Variants in GRIN2B observed in about 807,000 individuals in gnomAD.
The protein encoded by GRIN2B is glutamate ionotropic receptor NMDA type subunit 2B.
GRIN2B carries 5 observed loss-of-function variants against 114.5 expected under a neutral mutation model. The observed-to-expected ratio is 0.04, with a 90% CI of 0.02 to 0.09. The LOEUF (loss-of-function observed/expected upper bound fraction) is 0.09, where lower values mean the gene tolerates loss of function less well. Among genes scored for constraint, GRIN2B ranks in the 10% least tolerant of loss-of-function variants. GRIN2B has a pLI of 1.00. For missense variants in GRIN2B, 1,108 were observed against 1,943.5 expected (o/e 0.57, Z 8.08); for synonymous variants, 787 against 745.1 (o/e 1.06, Z -0.92).
chr12:13,610,834 A>C (rs1949357733), intron 9 of GRIN2B, among the ~76,000 whole-genome samples: 1 of 152,254 alleles, frequency 6.6e-6, no homozygotes, highest in Non-Finnish European at 1.5e-5. Context: ...TTAGTGAATC[A>C]GAAAATGAGG....
At chr12:13,965,533 T>A (rs1249250143) in intron 2 of GRIN2B, among the ~76,000 whole-genome samples, 1 of 148,164 alleles carries the variant, frequency 6.7e-6, no homozygotes, top group African/African-American at 2.5e-5. Flanking sequence ...GTTCCCTAAC[T>A]CATGCTAGAA....
chr12:13,811,813 G>C (rs1248871808), intron 3 of GRIN2B, among the ~76,000 whole-genome samples: 1 of 152,154 alleles, frequency 6.6e-6, no homozygotes, highest in African/African-American at 2.4e-5. Flanking sequence ...TTCTAGTTTG[G>C]AATTAGGCAC....
At chr12:13,875,916 T>G (rs1055171739) in intron 2 of GRIN2B, among the ~76,000 whole-genome samples, 5 of 152,112 alleles carry the variant, frequency 3.3e-5, no homozygotes, top group Non-Finnish European at 7.4e-5. Context: ...AGAATGGGAA[T>G]GGGATCCTAT....
Position 13,657,944 on chromosome 12 carries a change from G to A in GRIN2B, c.1125+17801C>T, listed in dbSNP as rs568512900. On this transcript the variant is annotated intron_variant, in intron 5 of 13. Transcript: ENST00000609686. ...TTATAGGCTGGGCACAGTGGCTTAC[G>A]CCTGTAATCCTAGCCCTTTGGGAGG... 7.2e-5 allele frequency among the ~76,000 whole-genome samples: 11 copies of A among 152,186 alleles called. No individual in the cohort carries two copies. In the South Asian group the frequency reaches 1.2e-3, roughly 17 times the overall value.
At chr12:13,696,651 C>T (rs1950262169) in intron 4 of GRIN2B, among the ~76,000 whole-genome samples, 1 of 152,186 alleles carries the variant, frequency 6.6e-6, no homozygotes, top group Non-Finnish European at 1.5e-5. Flanking sequence ...TCAATGAACT[C>T]ATATGGACTT....
chr12:13,869,488 T>C (rs1313242927), intron 2 of GRIN2B, among the ~76,000 whole-genome samples: 2 of 152,158 alleles, frequency 1.3e-5, no homozygotes, highest in Non-Finnish European at 2.9e-5. Context: ...ATTTTTGACC[T>C]GCTAGTCAAA....
At chr12:13,587,183 T>C (rs1296060926) in intron 10 of GRIN2B, among the ~76,000 whole-genome samples, 1 of 152,132 alleles carries the variant, frequency 6.6e-6, no homozygotes, top group Non-Finnish European at 1.5e-5. Flanking sequence ...CTTTAGATCC[T>C]CTTCCAAATT....
chr12:13,969,351 A>T (rs1286398311), intron 2 of GRIN2B, among the ~76,000 whole-genome samples: 1 of 152,244 alleles, frequency 6.6e-6, no homozygotes, highest in Non-Finnish European at 1.5e-5. Context: ...TATATAATTT[A>T]AAGAGTCAGG....
intron 2 of GRIN2B, among the ~76,000 whole-genome samples, chr12:13,957,262 A>C (rs1256145753): frequency 6.6e-6 from 1 of 152,070 alleles, no homozygotes; most frequent in African/African-American, 2.4e-5. Context: ...TAAATATAGT[A>C]ACTAGTATTT....
intron 2 of GRIN2B, among the ~76,000 whole-genome samples, chr12:13,945,525 C>T (rs1187263993): frequency 1.3e-5 from 2 of 152,172 alleles, no homozygotes; most frequent in Non-Finnish European, 2.9e-5. Flanking sequence ...TGATAAGTTC[C>T]TGTGAATACA....
intron 3 of GRIN2B, among the ~76,000 whole-genome samples, chr12:13,777,425 G>A (rs1591724868): frequency 6.6e-6 from 1 of 152,166 alleles, no homozygotes; most frequent in East Asian, 1.9e-4. Flanking sequence ...GGAATCTGCA[G>A]GAAAGGCAAG....
chr12:13,666,070 G>T (rs1182957562), intron 5 of GRIN2B, among the ~76,000 whole-genome samples: 1 of 152,122 alleles, frequency 6.6e-6, no homozygotes, highest in Non-Finnish European at 1.5e-5. Context: ...ACATGGAAAG[G>T]CATCCACCAG....
At chr12:13,594,356 C>T (rs1005369421) in intron 10 of GRIN2B, among the ~76,000 whole-genome samples, 1 of 152,058 alleles carries the variant, frequency 6.6e-6, no homozygotes, top group Non-Finnish European at 1.5e-5. Flanking sequence ...AAAAAAGGAT[C>T]AGTTCATGTC....
chr12:13,833,267 A>G (rs182195442), intron 3 of GRIN2B, among the ~76,000 whole-genome samples: 79 of 152,272 alleles, frequency 5.2e-4, no homozygotes, highest in East Asian at 5.8e-4. Flanking sequence ...CACAATTTCA[A>G]TCCTTCCACT....
chr12:13,836,313 C>T (rs892912982), intron 3 of GRIN2B, among the ~76,000 whole-genome samples: 4 of 152,150 alleles, frequency 2.6e-5, no homozygotes, highest in African/African-American at 7.2e-5. Flanking sequence ...AGCAATTATT[C>T]GGCCACACCT....
chr12:13,812,601 G>A (rs770870648), intron 3 of GRIN2B, among the ~76,000 whole-genome samples: 14 of 151,946 alleles, frequency 9.2e-5, no homozygotes, highest in African/African-American at 3.4e-4. Context: ...AATGAACACT[G>A]CAAATGATAT....
intron 5 of GRIN2B, among the ~76,000 whole-genome samples, chr12:13,660,817 C>T (rs1949914755): frequency 1.3e-5 from 2 of 152,184 alleles, no homozygotes; most frequent in Admixed American, 1.3e-4. Context: ...CCCTTCGCTT[C>T]TAGCCAGACT....
chr12:13,768,757 C>T (rs1030460485), intron 3 of GRIN2B, among the ~76,000 whole-genome samples: 3 of 152,128 alleles, frequency 2.0e-5, no homozygotes, highest in African/African-American at 4.8e-5. Context: ...AGCAGGTGGC[C>T]GGCACGGTGG....
At chr12:13,646,214 C>T (rs1180748359) in intron 5 of GRIN2B, among the ~76,000 whole-genome samples, 1 of 152,108 alleles carries the variant, frequency 6.6e-6, no homozygotes, top group Non-Finnish European at 1.5e-5. Flanking sequence ...TAATGACAAG[C>T]TTTGGAATAG....
Sources: gnomAD v4.1 joint callset for allele counts (sites outside exome capture counted in the v4.1 genomes callset) on GRCh38, gnomAD v4.1.1 for gene constraint, MANE v1.5 for transcripts, NCBI Gene and HGNC (gene_info 2026-07-23, HGNC 2026-07-21) for gene names.